The following CHRNB4 variants were observed in gnomAD, a reference collection of about 807,000 sequenced individuals.
The protein encoded by CHRNB4 is cholinergic receptor nicotinic beta 4 subunit, also known as neuronal acetylcholine receptor subunit beta-4.
In CHRNB4, 23 loss-of-function variants were observed where a neutral mutation model predicts 40.4. The observed-to-expected ratio is 0.57, with a 90% CI of 0.41 to 0.81. The LOEUF (loss-of-function observed/expected upper bound fraction) is 0.81. Ranked by LOEUF, CHRNB4 falls within the 30% of genes least tolerant of loss-of-function variation. CHRNB4 has a pLI of 0.00. For missense variants in CHRNB4, 568 were observed against 670.6 expected (o/e 0.85, Z 1.69); for synonymous variants, 285 against 274.4 (o/e 1.04, Z -0.38).
intron 6 of CHRNB4, among the ~76,000 whole-genome samples, chr15:78,651,066 G>A (rs949943114): frequency 6.6e-6 from 1 of 152,112 alleles, no homozygotes; most frequent in African/African-American, 2.4e-5. Flanking sequence ...TGAAGGGTCA[G>A]TGATCTCAAC....
At chr15:78,648,383 A>G (rs2054143821) in intron 7 of CHRNB4, among the ~76,000 whole-genome samples, 1 of 144,204 alleles carries the variant, frequency 6.9e-6, no homozygotes, top group South Asian at 2.2e-4. Flanking sequence ...ACAGAGCGAG[A>G]CTTGCCTCAA....
chr15:78,646,071 A>T (rs2054120666), upstream of CHRNB4, among the ~76,000 whole-genome samples: 1 of 151,968 alleles, frequency 6.6e-6, no homozygotes, highest in South Asian at 2.1e-4. Context: ...AAAAAAAAAA[A>T]AATGAATGAC....
In CHRNB4 at chr15:78,631,110, G is replaced by A. The variant is rs746284415; in HGVS notation, c.325C>T (p.Arg109Cys). Reference protein sequence around the residue: ...GVNILRIPAKRIWLPDIVLYN... With the variant: ...GVNILRIPAKCIWLPDIVLYN... ...AGCACGATGTCAGGCAACCAGATGCGCTTTGCAGGGATCCTCAGGATGTTC... is the reference window on the plus strand; with the variant it reads ...AGCACGATGTCAGGCAACCAGATGCACTTTGCAGGGATCCTCAGGATGTTC... The change falls in exon 4 of 6, where the codon CGC (arginine) becomes TGC (cysteine). Residue 109 changes from arginine to cysteine, a missense_variant. Around this residue, in one of 4 missense-constraint regions of CHRNB4, gnomAD observed 161 missense variants for 148.1 expected, o/e 1.09. Coordinates refer to ENST00000261751, the MANE Select transcript of CHRNB4 (RefSeq NM_000750.5). 1.2e-5 allele frequency: 20 copies of A among 1,614,084 alleles called. No homozygotes were observed. Among genetic ancestry groups the A allele is most frequent in the East Asian group, 6.7e-5 (3 of 44,892 alleles).
upstream of CHRNB4, chr15:78,660,724 T>A (rs1339628716): frequency 1.0e-5 from 2 of 199,698 alleles, no homozygotes; most frequent in Non-Finnish European, 1.0e-5. Flanking sequence ...GCACCTGGTG[T>A]CTGAGAGAAG....
upstream of CHRNB4, chr15:78,661,472 C>A: frequency 1.9e-6 from 1 of 520,340 alleles, no homozygotes. Flanking sequence ...TCAGTACAAC[C>A]TGGTTGAATA....
At chr15:78,648,425 TG>T (rs1237541276) in intron 7 of CHRNB4, among the ~76,000 whole-genome samples, 1 of 142,096 alleles carries the variant, frequency 7.0e-6, no homozygotes, top group Admixed American at 7.1e-5. Context: ...AGAAAAGGCA[TG>T]GGGGTGAATC....
At chr15:78,625,533 G>C (rs1386154641) in intron 5 of CHRNB4, among the ~76,000 whole-genome samples, 1 of 152,154 alleles carries the variant, frequency 6.6e-6, no homozygotes, top group Non-Finnish European at 1.5e-5. Flanking sequence ...TGGGAACTTG[G>C]GCTGTACAGA....
upstream of CHRNB4, chr15:78,661,165 A>G (rs113028957): frequency 1.1e-5 from 7 of 621,964 alleles, no homozygotes; most frequent in African/African-American, 3.7e-5. Context: ...ATGCCGGTAC[A>G]CCTCTTGGCC....
chr15:78,661,389 G>A (rs1037693492), upstream of CHRNB4: 6 of 526,448 alleles, frequency 1.1e-5, no homozygotes, highest in South Asian at 3.3e-5. Context: ...TTGTTTTCCC[G>A]GCCAGGAAGC....
intron 7 of CHRNB4, among the ~76,000 whole-genome samples, chr15:78,648,584 T>G (rs1277965667): frequency 6.6e-6 from 1 of 150,822 alleles, no homozygotes; most frequent in Non-Finnish European, 1.5e-5. Context: ...TGAAACCCTG[T>G]ATCTACTAAA....
At chr15:78,630,243 G>A (rs2141371614) in intron 4 of CHRNB4, among the ~76,000 whole-genome samples, 1 of 151,612 alleles carries the variant, frequency 6.6e-6, no homozygotes. Context: ...GGTTCAAGCA[G>A]TTCTCCTGTC....
At chr15:78,659,521 G>A (rs2054236821) in intron 1 of CHRNB4, among the ~76,000 whole-genome samples, 1 of 152,180 alleles carries the variant, frequency 6.6e-6, no homozygotes, top group Non-Finnish European at 1.5e-5. Flanking sequence ...GTGCTGCAGG[G>A]TGACAGAGAA....
At chr15:78,660,441 G>C (rs1348248315) in intron 1 of CHRNB4, 2 of 152,318 alleles carry the variant, frequency 1.3e-5, no homozygotes, top group African/African-American at 4.8e-5. Context: ...CACCTGCCCT[G>C]CATCAATATT....
chr15:78,652,758 A>G (rs1262808150), intron 5 of CHRNB4: 1 of 152,256 alleles, frequency 6.6e-6, no homozygotes. Flanking sequence ...ACCCTGGACT[A>G]GCTACTTTCT....
At chr15:78,650,024 G>A (rs1019848221) in intron 6 of CHRNB4, among the ~76,000 whole-genome samples, 5 of 145,906 alleles carry the variant, frequency 3.4e-5, no homozygotes, top group Admixed American at 3.4e-4. Flanking sequence ...TTAAAGGAGT[G>A]CCTTTTCATG....
intron 5 of CHRNB4, among the ~76,000 whole-genome samples, chr15:78,654,714 T>A (rs1178152364): frequency 2.0e-5 from 3 of 152,150 alleles, no homozygotes; most frequent in Admixed American, 2.0e-4. Context: ...AGAGCTTTTT[T>A]AAAAAAACTT....
chr15:78,643,690 TGCAG>T (rs1375574601), upstream of CHRNB4, among the ~76,000 whole-genome samples: 1 of 152,104 alleles, frequency 6.6e-6, no homozygotes, highest in African/African-American at 2.4e-5. Flanking sequence ...TACCTGTATT[TGCAG>T]GCAGGTATGA....
At position 78,647,690 on chromosome 15, in the gene CHRNB4, C is replaced by CAA. The variant is rs57493774; in HGVS notation, c.46+1687_46+1688dup. On this transcript the variant is annotated intron_variant and NMD_transcript_variant, in intron 7 of 11. Transcript: ENST00000559849. ...TGAAACCCCGTCTCTACTAAAAATC[C>CAA]AAAAAAAAAAAAAAAAAAAATTAGC... Among the ~76,000 whole-genome samples, 388 of 62,258 alleles carry CAA rather than the reference C, an allele frequency of 6.2e-3. 15 individuals carry two copies. Among genetic ancestry groups the CAA allele is most frequent in the African/African-American group, 0.014 (297 of 20,576 alleles). The allele number at this position is 62,258 out of a possible 152,430, so 40.8% of individuals were successfully genotyped here. A position where few individuals can be genotyped will look rare whatever the true frequency, so the allele number is the denominator to read the frequency against.
At chr15:78,653,320 A>G (rs2054188285) in intron 5 of CHRNB4, among the ~76,000 whole-genome samples, 1 of 152,168 alleles carries the variant, frequency 6.6e-6, no homozygotes, top group African/African-American at 2.4e-5. Flanking sequence ...CTTGTCCTGA[A>G]TCATCTCCTC....
Sources: allele counts gnomAD v4.1 joint callset (sites outside exome capture counted in the v4.1 genomes callset), GRCh38; gene constraint gnomAD v4.1.1; regional missense constraint gnomAD v4.1.1; transcripts MANE v1.5; gene names NCBI Gene and HGNC (gene_info 2026-07-23, HGNC 2026-07-21).